The following GPHN variants were observed in gnomAD, a reference collection of about 807,000 sequenced individuals.
The protein encoded by GPHN is gephyrin.
GPHN carries 17 observed loss-of-function variants against 95.5 expected under a neutral mutation model. That is an observed-to-expected ratio of 0.18 (90% CI 0.12 to 0.27). The LOEUF is 0.27. Ranked by LOEUF, GPHN falls within the 10% of genes least tolerant of loss-of-function variation. GPHN has a pLI of 1.00. For synonymous variants in GPHN, 320 were observed against 322.5 expected, an observed-to-expected ratio of 0.99 and a Z score of 0.08; for missense variants, 660 against 978.1, an observed-to-expected ratio of 0.67 and a Z score of 4.34.
chr14:66,511,196 T>A (rs527929814), intron 1 of GPHN, among the ~76,000 whole-genome samples: 1 of 152,118 alleles, frequency 6.6e-6, no homozygotes, highest in African/African-American at 2.4e-5. Context: ...ACCATATGAT[T>A]TGGGGGAAAG....
chr14:66,639,596 T>C (rs553808140), intron 1 of GPHN, among the ~76,000 whole-genome samples: 1 of 145,772 alleles, frequency 6.9e-6, no homozygotes, highest in African/African-American at 2.7e-5. Context: ...CTGACCCAGC[T>C]GGTGAATGGT....
chr14:66,854,644 CT>C (rs2062723752), intron 4 of GPHN, among the ~76,000 whole-genome samples: 1 of 152,106 alleles, frequency 6.6e-6, no homozygotes, highest in South Asian at 2.1e-4. Context: ...ACATCAATGT[CT>C]TTATTATCAT....
chr14:67,707,248 C>G, the GPHN span, among the ~76,000 whole-genome samples: 2 of 152,114 alleles, frequency 1.3e-5, no homozygotes, highest in Non-Finnish European at 2.9e-5. Context: ...TCAGTCCAAA[C>G]TGTAGAAAAC....
At chr14:67,161,867 G>A (rs541158942) in intron 19 of GPHN, among the ~76,000 whole-genome samples, 5 of 152,274 alleles carry the variant, frequency 3.3e-5, no homozygotes, top group African/African-American at 1.2e-4. Context: ...AATATTCTCA[G>A]TGCCTGTGAT....
At chr14:67,722,420 C>G in the GPHN span, 1 of 614,416 alleles carries the variant, frequency 1.6e-6, no homozygotes, top group Non-Finnish European at 2.9e-6. Flanking sequence ...CCCCTCCCCA[C>G]CAGGACTACA....
chr14:67,324,700 C>T, the GPHN span, among the ~76,000 whole-genome samples: 1 of 151,834 alleles, frequency 6.6e-6, no homozygotes, highest in Non-Finnish European at 1.5e-5. Context: ...CCTCTCACCC[C>T]AGCCTGTCCA....
chr14:66,866,002 G>A (rs1186878066), intron 4 of GPHN, among the ~76,000 whole-genome samples: 1 of 152,014 alleles, frequency 6.6e-6, no homozygotes, highest in African/African-American at 2.4e-5. Context: ...TGTGTTAGTG[G>A]GGGTAGTCAT....
rs1236615577 is a variant in GPHN, at chr14:67,122,247, G to T, written c.1627-9G>T. On this transcript the variant is annotated splice_polypyrimidine_tract_variant and intron_variant, in intron 16 of 22. Transcript: ENST00000478722. ...TAGAATAATTTGTGGTGGTTTTTTG[G>T]CTTTGTAGCTGCTAAATCCTGAAGA... The T allele has an allele frequency of 1.2e-6, 2 of 1,612,984 alleles. No individual in the cohort carries two copies. The highest frequency in any genetic ancestry group is 1.7e-5 in the Admixed American group (1 of 59,986).
the GPHN span, among the ~76,000 whole-genome samples, chr14:67,526,133 C>G: frequency 8.5e-5 from 13 of 152,234 alleles, no homozygotes; most frequent in African/African-American, 2.4e-4. Flanking sequence ...AATCCAGAAC[C>G]TATAAATGCA....
At chr14:67,494,064 C>T in the GPHN span, among the ~76,000 whole-genome samples, 3 of 152,038 alleles carry the variant, frequency 2.0e-5, no homozygotes, top group African/African-American at 7.2e-5. Flanking sequence ...ACACCAGGCA[C>T]CTCCACCATA....
chr14:66,640,903 A>G (rs1227026879), intron 1 of GPHN, among the ~76,000 whole-genome samples: 7 of 152,182 alleles, frequency 4.6e-5, no homozygotes, highest in Non-Finnish European at 8.8e-5. Flanking sequence ...TCCTAATTAT[A>G]TTGGTAATCA....
chr14:67,080,985 C>G (rs749940992), intron 11 of GPHN, among the ~76,000 whole-genome samples: 2 of 152,034 alleles, frequency 1.3e-5, no homozygotes, highest in African/African-American at 2.4e-5. Flanking sequence ...ATACATATAC[C>G]ACAATTTCTT....
At chr14:66,559,679 T>C (rs1431866506) in intron 1 of GPHN, among the ~76,000 whole-genome samples, 1 of 151,660 alleles carries the variant, frequency 6.6e-6, no homozygotes. Context: ...TTTTCTCCCA[T>C]TTTGTAGGTT....
intron 1 of GPHN, among the ~76,000 whole-genome samples, chr14:66,655,323 C>T (rs181511379): frequency 1.2e-3 from 190 of 152,168 alleles, no homozygotes; most frequent in Non-Finnish European, 2.1e-3. Context: ...AGCCCTACAA[C>T]GTTTTGTAGA....
At chr14:67,134,928 CT>C (rs1390912000) in intron 17 of GPHN, among the ~76,000 whole-genome samples, 2 of 82,950 alleles carry the variant, frequency 2.4e-5, no homozygotes, top group Non-Finnish European at 5.3e-5. Context: ...TTCTTTCTCT[CT>C]TTTTTTCTCT....
intron 1 of GPHN, among the ~76,000 whole-genome samples, chr14:66,637,312 A>G (rs2153348847): frequency 6.6e-6 from 1 of 152,296 alleles, no homozygotes; most frequent in South Asian, 2.1e-4. Flanking sequence ...TTAAATTTCA[A>G]GTTAGTTATC....
intron 1 of GPHN, among the ~76,000 whole-genome samples, chr14:66,511,138 A>C (rs1011298974): frequency 6.6e-6 from 1 of 152,186 alleles, no homozygotes; most frequent in Non-Finnish European, 1.5e-5. Flanking sequence ...GTCTGTAACT[A>C]GTGGGTTTCA....
intron 2 of GPHN, among the ~76,000 whole-genome samples, chr14:66,685,730 G>A (rs1034653367): frequency 1.3e-5 from 2 of 152,096 alleles, no homozygotes; most frequent in Non-Finnish European, 1.5e-5. Context: ...TTCTTTTGCT[G>A]TGCAGAAGCT....
the GPHN span, among the ~76,000 whole-genome samples, chr14:67,344,355 T>C: frequency 1.1e-4 from 17 of 152,202 alleles, no homozygotes; most frequent in African/African-American, 4.1e-4. Context: ...TAAACCTTTA[T>C]CAAATCATTT....
Sources: gnomAD v4.1 joint callset for allele counts (sites outside exome capture counted in the v4.1 genomes callset) on GRCh38, gnomAD v4.1.1 for gene constraint, MANE v1.5 for transcripts, NCBI Gene and HGNC (gene_info 2026-07-23, HGNC 2026-07-21) for gene names.